Variants in CCDC150 observed in about 807,000 individuals in gnomAD.
CCDC150 encodes the protein coiled-coil domain-containing protein 150.
A neutral mutation model predicts 156.5 loss-of-function variants in CCDC150; 151 were observed. That is an observed-to-expected ratio of 0.97 (90% CI 0.85 to 1.10). The LOEUF (loss-of-function observed/expected upper bound fraction) is 1.10. CCDC150 is among the 50% of genes least tolerant of loss of function. The pLI, the probability that CCDC150 is intolerant of heterozygous loss-of-function variation, is 0.00. For missense variants in CCDC150, 1,312 were observed against 1,268.1 expected (o/e 1.03, Z -0.53); for synonymous variants, 452 against 429.4 (o/e 1.05, Z -0.65).
chr2:196,694,229 C>T (rs1230506049), intron 13 of CCDC150, among the ~76,000 whole-genome samples: 3 of 151,642 alleles, frequency 2.0e-5, no homozygotes, highest in East Asian at 3.9e-4. Context: ...GCTAATTTTG[C>T]ATTTTTAGTA....
At chr2:196,694,929 A>C (rs1695725479) in intron 13 of CCDC150, 117 bp from the exon 14 acceptor site, 1 of 538,686 alleles carries the variant, frequency 1.9e-6, no homozygotes, top group Non-Finnish European at 3.3e-6. Context: ...ATTTAGAGGC[A>C]AGGAAACATA....
At chr2:196,696,669 C>G (rs1695850868) in intron 14 of CCDC150, among the ~76,000 whole-genome samples, 2 of 152,194 alleles carry the variant, frequency 1.3e-5, no homozygotes, top group African/African-American at 4.8e-5. Context: ...CTGACCATGC[C>G]TGCCTGGAAA....
chr2:196,679,287 A>G (rs1303258982), intron 13 of CCDC150, among the ~76,000 whole-genome samples: 1 of 152,144 alleles, frequency 6.6e-6, no homozygotes, highest in Non-Finnish European at 1.5e-5. Context: ...TGTCACCCTG[A>G]GGAAGTTCCC....
intron 26 of CCDC150, 63 bp downstream of exon 26, chr2:196,731,008 AC>A: frequency 8.2e-7 from 1 of 1,222,002 alleles, no homozygotes; most frequent in South Asian, 1.4e-5. Context: ...CCCTGAAGCA[AC>A]CCAAGTCAAT....
intron 17 of CCDC150, chr2:196,718,289 C>A: frequency 3.3e-6 from 1 of 300,078 alleles, no homozygotes; most frequent in Non-Finnish European, 6.1e-6. Context: ...CTTGTGTTTT[C>A]ATGGAGATTA....
At chr2:196,659,403 A>G (rs1044927413) in intron 5 of CCDC150, among the ~76,000 whole-genome samples, 3 of 152,198 alleles carry the variant, frequency 2.0e-5, no homozygotes, top group African/African-American at 4.8e-5. Flanking sequence ...ATTCCCTGAC[A>G]TAATAGTATT....
At chr2:196,723,994 C>G (rs982963626) in intron 21 of CCDC150, among the ~76,000 whole-genome samples, 3 of 152,086 alleles carry the variant, frequency 2.0e-5, no homozygotes, top group Non-Finnish European at 4.4e-5. Flanking sequence ...AGAACTCAAT[C>G]GAACTGGAGA....
chr2:196,676,810 A>G, intron 12 of CCDC150, 79 bp downstream of exon 12: 1 of 1,287,884 alleles, frequency 7.8e-7, no homozygotes, highest in Non-Finnish European at 1.1e-6. Flanking sequence ...TGCAAAAGAC[A>G]AGAAAAGAAA....
chr2:196,712,722 G>C lies in CCDC150; in HGVS notation c.1849G>C (p.Asp617His), dbSNP rs1480669325. The C allele has an allele frequency of 6.2e-7, 1 of 1,610,804 alleles. No homozygotes were observed. Among genetic ancestry groups the C allele is most frequent in the Non-Finnish European group, 8.5e-7 (1 of 1,178,428 alleles). The change falls in exon 17 of 28, where the codon GAT becomes CAT. Residue 617 changes from aspartate to histidine, a missense_variant. Physicochemically the swap from Asp to His is moderately conservative, Grantham distance 81. Transcript: ENST00000389175. ...SAKRVHLQQA[D>H]AHLKEVKSIL... ...CAAGAGGGTACACCTGCAGCAGGCA[G>C]ATGCTCACCTGAAAGAAGTATTGGT...
At chr2:196,683,974 G>T (rs1029114456) in intron 13 of CCDC150, among the ~76,000 whole-genome samples, 1 of 151,802 alleles carries the variant, frequency 6.6e-6, no homozygotes, top group East Asian at 1.9e-4. Context: ...AGTTTTTATA[G>T]ATTTTTCTCT....
At chr2:196,667,072 G>T in intron 7 of CCDC150, 9 of 540,970 alleles carry the variant, frequency 1.7e-5, no homozygotes, top group South Asian at 1.1e-4. Flanking sequence ...TTCCTTATTT[G>T]TTTTTTTCCA....
intron 13 of CCDC150, among the ~76,000 whole-genome samples, chr2:196,683,149 T>C (rs546448966): frequency 6.6e-6 from 1 of 152,210 alleles, no homozygotes; most frequent in East Asian, 1.9e-4. Flanking sequence ...ATGTCAACTG[T>C]GGGGTTTTTT....
rs765294806 is a variant in CCDC150 at position 196,676,575 on chromosome 2, T to C, written c.1284T>C (p.His428=). ...QAHLDHLILE[H]NQCIQKAQDA... ...GCAGGGATCATTTAATCCTTGAGCA[T>C]AACCAGTGTATCCAGAAAGCACAGG... is the stretch of plus-strand genomic sequence containing the variant. The change falls in exon 12 of 28, where the codon CAT becomes CAC. Residue 428 remains histidine (H), a synonymous_variant. Transcript: ENST00000389175. 1 of 1,613,446 alleles carries C rather than the reference T, an allele frequency of 6.2e-7. No individual in the cohort carries two copies. Among genetic ancestry groups the C allele is most frequent in the Non-Finnish European group, 8.5e-7 (1 of 1,179,636 alleles).
Position 196,656,613 on chromosome 2 carries a change from A to T in CCDC150, c.177-20A>T. ...AGAAATTGCATTGCATAATATTGTT[A>T]TATTGGGATCTTTGTCCAGAGGCTA... is the stretch of plus-strand genomic sequence containing the variant. On this transcript the variant is annotated intron_variant, in intron 2 of 27. Coordinates refer to ENST00000389175, the MANE Select transcript of CCDC150 (RefSeq NM_001080539.2). The T allele has an allele frequency of 1.3e-6, 2 of 1,532,738 alleles. No homozygotes were observed. The highest frequency in any genetic ancestry group is 1.8e-6 in the Non-Finnish European group (2 of 1,118,438). 94.9% of individuals were successfully genotyped at this position (1,532,738 alleles called of 1,614,324 possible).
chr2:196,643,423 T>A (rs965147491), intron 1 of CCDC150, among the ~76,000 whole-genome samples: 2 of 152,202 alleles, frequency 1.3e-5, no homozygotes, highest in Admixed American at 1.3e-4. Flanking sequence ...TTCTTTTTTT[T>A]AAAACAAGTG....
rs768172146 is a variant in CCDC150, at chr2:196,674,251, A to G, written c.1040A>G (p.Asp347Gly). ...TGTGTGTTTTCTTAGGTTTTGAATG[A>G]CCAATTGACTAAAAAGTGTTCAGAG... ...EASEKAQVLN[D>G]QLTKKCSELS... Residue 347 changes from aspartate (D) to glycine (G), a missense_variant, in exon 10 of 28, where the codon GAC (aspartate) becomes GGC (glycine). Asp to Gly is a moderately conservative substitution (Grantham distance 94). Coordinates refer to ENST00000389175, the MANE Select transcript of CCDC150 (RefSeq NM_001080539.2). 4.4e-6 allele frequency: 7 copies of G among 1,592,766 alleles called. No homozygotes were observed. Among genetic ancestry groups the G allele is most frequent in the African/African-American group, 1.3e-5 (1 of 74,474 alleles).
chr2:196,720,077 A>G (rs1697789501), intron 19 of CCDC150: 40 of 395,012 alleles, frequency 1.0e-4, no homozygotes, highest in South Asian at 7.6e-4. Context: ...ATTAATAATT[A>G]TTTTAGGTGA....
intron 18 of CCDC150, 142 bp from the exon 19 acceptor site, chr2:196,719,355 A>G: frequency 3.4e-6 from 2 of 587,220 alleles, no homozygotes; most frequent in Non-Finnish European, 5.4e-6. Context: ...TAAAAATAAA[A>G]TATACTTTAA....
At chr2:196,707,373 A>T (rs1696730810) in intron 15 of CCDC150, among the ~76,000 whole-genome samples, 1 of 151,422 alleles carries the variant, frequency 6.6e-6, no homozygotes, top group Non-Finnish European at 1.5e-5. Flanking sequence ...TCATTTTTTT[A>T]TTGTGTCTAT....
Sources: gnomAD v4.1 joint callset for allele counts (sites outside exome capture counted in the v4.1 genomes callset) on GRCh38, gnomAD v4.1.1 for gene constraint, MANE v1.5 for transcripts, NCBI Gene and HGNC (gene_info 2026-07-23, HGNC 2026-07-21) for gene names.